RLIG1: variants seen among roughly 807,000 people sequenced by gnomAD.
RLIG1 encodes the protein RNA ligase 1.
chr12:88,041,289 T>C, the RLIG1 span, among the ~76,000 whole-genome samples: 3 of 152,206 alleles, frequency 2.0e-5, no homozygotes, highest in Non-Finnish European at 2.9e-5. Flanking sequence ...TATTCCTTTT[T>C]AAAGCTGAGT....
At chr12:88,036,070 TCAGGTAATTGCCA>T in the RLIG1 span, 1 of 1,388,676 alleles carries the variant, frequency 7.2e-7, no homozygotes, top group Non-Finnish European at 9.5e-7. Context: ...AACCCCCTAA[TCAGGTAATTGCCA>T]CAGTCCAAGC....
chr12:88,046,383 G>A, the RLIG1 span, among the ~76,000 whole-genome samples: 24 of 152,274 alleles, frequency 1.6e-4, no homozygotes, highest in South Asian at 4.8e-3. Flanking sequence ...TTTGGCAAAC[G>A]TTGAAGAATA....
chr12:88,045,775 A>T, the RLIG1 span: 1 of 1,611,026 alleles, frequency 6.2e-7, no homozygotes, highest in Non-Finnish European at 8.5e-7. Flanking sequence ...ATGGAAACCC[A>T]TATGGTGAGT....
chr12:88,039,317 A>G, the RLIG1 span, among the ~76,000 whole-genome samples: 1 of 152,172 alleles, frequency 6.6e-6, no homozygotes, highest in African/African-American at 2.4e-5. Flanking sequence ...TTAAAAAACA[A>G]GTTTTGTAAA....
At chr12:88,043,302 GTTTATA>G in the RLIG1 span, among the ~76,000 whole-genome samples, 15 of 152,028 alleles carry the variant, frequency 9.9e-5, no homozygotes, top group African/African-American at 3.4e-4. Context: ...ATGTATTTAT[GTTTATA>G]TTTGTATTCA....
At chr12:88,035,547 G>T in the RLIG1 span, 1 of 1,251,830 alleles carries the variant, frequency 8.0e-7, no homozygotes, top group South Asian at 1.3e-5. Context: ...CGGAGTGTGC[G>T]TGGCCTGAGC....
At chr12:88,040,175 G>T in the RLIG1 span, 1 of 1,609,946 alleles carries the variant, frequency 6.2e-7, no homozygotes, top group Admixed American at 1.7e-5. Context: ...AACTGAAACT[G>T]TAAGTCACAA....
chr12:88,035,770 C>T, the RLIG1 span: 15 of 1,563,942 alleles, frequency 9.6e-6, no homozygotes, highest in South Asian at 1.5e-4. Context: ...GCTTGGCGGC[C>T]CGCGTGGGCT....
chr12:88,046,808 G>A, the RLIG1 span: 1 of 1,605,254 alleles, frequency 6.2e-7, no homozygotes, highest in Non-Finnish European at 8.5e-7. Context: ...CCCACTTAGG[G>A]TTAGGGAGCA....
the RLIG1 span, among the ~76,000 whole-genome samples, chr12:88,039,749 A>G: frequency 2.6e-5 from 4 of 152,116 alleles, no homozygotes; most frequent in Admixed American, 2.6e-4. Flanking sequence ...TCCCTCATTA[A>G]AATGCAAGTT....
chr12:88,045,750 T>C, the RLIG1 span: 11 of 1,612,968 alleles, frequency 6.8e-6, no homozygotes, highest in Admixed American at 1.0e-4. Context: ...CTGGAACTCA[T>C]AGGAACAAAT....
chr12:88,036,458 C>T, the RLIG1 span, among the ~76,000 whole-genome samples: 27 of 152,222 alleles, frequency 1.8e-4, no homozygotes, highest in African/African-American at 6.5e-4. Flanking sequence ...GGAAATCCAC[C>T]TCACTTGAGT....
At chr12:88,039,771 A>G in the RLIG1 span, among the ~76,000 whole-genome samples, 1 of 152,100 alleles carries the variant, frequency 6.6e-6, no homozygotes, top group Non-Finnish European at 1.5e-5. Context: ...CACCCAAGGC[A>G]GGTACTTTTT....
chr12:88,047,600 A>C, the RLIG1 span, among the ~76,000 whole-genome samples: 1 of 152,168 alleles, frequency 6.6e-6, no homozygotes, highest in African/African-American at 2.4e-5. Flanking sequence ...AATTTAAGCC[A>C]AGATTCATGC....
the RLIG1 span, chr12:88,041,819 G>A: frequency 6.6e-6 from 1 of 152,148 alleles, no homozygotes; most frequent in Admixed American, 6.5e-5. Flanking sequence ...CCTTGGATTT[G>A]TATACTTGAG....
the RLIG1 span, chr12:88,049,554 A>G: frequency 1.7e-6 from 1 of 601,936 alleles, no homozygotes; most frequent in Non-Finnish European, 2.9e-6. Flanking sequence ...AAGAATTAAG[A>G]TTTTTCTTTG....
the RLIG1 span, chr12:88,049,282 G>GT: frequency 2.3e-5 from 37 of 1,609,044 alleles, no homozygotes; most frequent in Non-Finnish European, 2.5e-5. Context: ...TGTTCTGAAA[G>GT]TTTTTTTACC....
the RLIG1 span, chr12:88,045,329 G>A: frequency 2.8e-6 from 1 of 357,688 alleles, no homozygotes; most frequent in African/African-American, 2.1e-5. Context: ...GAATAAGGGT[G>A]AATTTTCTAG....
At chr12:88,035,715 C>A in the RLIG1 span, 18 of 1,604,374 alleles carry the variant, frequency 1.1e-5, no homozygotes, top group Admixed American at 2.2e-4. Flanking sequence ...GAAAGAGGAG[C>A]CTTCCTCCAA....
Sources: gnomAD v4.1 joint callset for allele counts (sites outside exome capture counted in the v4.1 genomes callset) on GRCh38, gnomAD v4.1.1 for gene constraint, MANE v1.5 for transcripts, NCBI Gene and HGNC (gene_info 2026-07-23, HGNC 2026-07-21) for gene names.